Variants in HMOX2 observed in about 807,000 individuals in gnomAD.
The protein encoded by HMOX2 is heme oxygenase 2.
In HMOX2, 30 loss-of-function variants were observed where a neutral mutation model predicts 33.7. That is an observed-to-expected ratio of 0.89 (90% CI 0.67 to 1.21). The LOEUF is 1.21. Among genes scored for constraint, HMOX2 ranks in the 50% most tolerant of loss-of-function variants. The pLI is 0.00. For missense variants in HMOX2, 403 were observed against 399.1 expected (o/e 1.01, Z -0.08); for synonymous variants, 155 against 155.0 (o/e 1.00, Z 0.00).
chr16:4,481,510 G>T lies in HMOX2; in HGVS notation c.-42+5023G>T, dbSNP rs78762310. The stretch of plus-strand genomic sequence containing the variant: ...AGCATACAGGTGTACTGAAAGAATT[G>T]GGTGGAACAGGGTATTTGAAATCAG... On this transcript the variant is annotated intron_variant, in intron 1 of 5. Coordinates refer to ENST00000570646, the MANE Select transcript of HMOX2 (RefSeq NM_002134.4). 1.0e-2 allele frequency among the ~76,000 whole-genome samples: 1,520 copies of T among 152,202 alleles called. 25 individuals are homozygous for T. The highest frequency in any genetic ancestry group is 0.035 in the African/African-American group (1,460 of 41,520).
chr16:4,509,525 T>G lies in HMOX2; in HGVS notation c.810T>G (p.Ala270=). 1 of 1,614,178 alleles carries G rather than the reference T, an allele frequency of 6.2e-7. No homozygotes were observed. The highest frequency in any genetic ancestry group is 8.5e-7 in the Non-Finnish European group (1 of 1,180,026). Residue 270 remains alanine, a synonymous_variant, in exon 5 of 6, where the codon GCT becomes GCG. Transcript: ENST00000570646. ...TGCGTAAATGCCCTTTCTACGCTGC[T>G]GAACAAGACAAAGGTAGGTCTGTGT... The part of the protein sequence containing the change: ...GDMRKCPFYA[A]EQDKGALEGS...
At chr16:4,484,231 C>T (rs1410222115) in intron 1 of HMOX2, among the ~76,000 whole-genome samples, 1 of 152,094 alleles carries the variant, frequency 6.6e-6, no homozygotes. Context: ...ACCTTGGCCT[C>T]CCAAAGTGCT....
chr16:4,509,369 T>C, intron 4 of HMOX2, 43 bp from the exon 5 acceptor site: 6 of 1,570,972 alleles, frequency 3.8e-6, no homozygotes, highest in African/African-American at 1.4e-5. Flanking sequence ...AAAAAAAGTA[T>C]GGGCAGCCCA....
chr16:4,482,262 A>AATAT, intron 1 of HMOX2, among the ~76,000 whole-genome samples: 1 of 152,262 alleles, frequency 6.6e-6, no homozygotes, highest in East Asian at 1.9e-4. Context: ...GAAGGGGAAA[A>AATAT]ATATGCTGTT....
At chr16:4,489,142 TTAG>T (rs1457650911) in intron 1 of HMOX2, among the ~76,000 whole-genome samples, 3 of 152,198 alleles carry the variant, frequency 2.0e-5, no homozygotes, top group Non-Finnish European at 4.4e-5. Flanking sequence ...AGGTACGCTC[TTAG>T]TAGTCATATC....
chr16:4,506,964 G>C lies in HMOX2; in HGVS notation c.156G>C (p.Gln52His), dbSNP rs149978208. The C allele has an allele frequency of 1.2e-5, 19 of 1,613,962 alleles. No homozygotes were observed. In the African/African-American group the frequency reaches 2.0e-4, roughly 17 times the overall value. Residue 52 changes from glutamine to histidine, a missense_variant, in exon 3 of 6, where the codon CAG (glutamine) becomes CAC (histidine). Physicochemically the swap from Gln to His is conservative, Grantham distance 24. Transcript: ENST00000570646. ...KEAHDRAENTQFVKDFLKGNI... is the reference protein window; with the variant it reads ...KEAHDRAENTHFVKDFLKGNI... ...CACACGACCGGGCAGAAAACACCCA[G>C]TTTGTCAAGGACTTCTTGAAAGGCA...
At chr16:4,477,681 G>A (rs1279190272) in intron 1 of HMOX2, among the ~76,000 whole-genome samples, 1 of 151,886 alleles carries the variant, frequency 6.6e-6, no homozygotes, top group African/African-American at 2.4e-5. Flanking sequence ...CACTTTGGGA[G>A]GCCGAGGCAG....
At position 4,499,772 on chromosome 16, in the gene HMOX2, C is replaced by T. The variant is rs146912339; in HGVS notation, c.-41-5712C>T. ...AATGTATACATGTGTCCAAACATCA[C>T]ACTGTACCCCATAAATATAATTGTC... is the stretch of plus-strand genomic sequence containing the variant. On this transcript the variant is annotated intron_variant, in intron 1 of 5. Transcript: ENST00000570646. 1.5e-3 allele frequency among the ~76,000 whole-genome samples: 221 copies of T among 152,290 alleles called. No homozygotes were observed. In the East Asian group the frequency reaches 0.031, roughly 21 times the overall value.
chr16:4,487,504 C>A (rs1443841941), intron 1 of HMOX2, among the ~76,000 whole-genome samples: 2 of 151,218 alleles, frequency 1.3e-5, no homozygotes, highest in African/African-American at 4.9e-5. Flanking sequence ...AACCCCATGT[C>A]TACTAAAAAT....
At chr16:4,498,800 A>T (rs889064775) in intron 1 of HMOX2, among the ~76,000 whole-genome samples, 2 of 152,262 alleles carry the variant, frequency 1.3e-5, no homozygotes, top group African/African-American at 2.4e-5. Flanking sequence ...TGGTAGTACC[A>T]GAGTTCAGAG....
At chr16:4,479,805 C>A (rs1279289935) in intron 1 of HMOX2, among the ~76,000 whole-genome samples, 2 of 131,808 alleles carry the variant, frequency 1.5e-5, no homozygotes, top group African/African-American at 5.8e-5. Flanking sequence ...GTGGCACAAT[C>A]TCAGCTCACT....
intron 1 of HMOX2, among the ~76,000 whole-genome samples, chr16:4,481,206 G>A (rs2058020893): frequency 6.6e-6 from 1 of 151,770 alleles, no homozygotes. Flanking sequence ...AAAATTAGCC[G>A]GGCATGGTGG....
intron 4 of HMOX2, 142 bp from the exon 5 acceptor site, chr16:4,509,270 T>A: frequency 9.5e-7 from 1 of 1,055,762 alleles, no homozygotes; most frequent in Non-Finnish European, 1.4e-6. Context: ...AGCCTAGGAG[T>A]TTGAGGCTGC....
chr16:4,477,156 C>G (rs540300234), intron 1 of HMOX2, among the ~76,000 whole-genome samples: 31 of 152,164 alleles, frequency 2.0e-4, no homozygotes, highest in Non-Finnish European at 3.8e-4. Context: ...CAAAAGCTGC[C>G]GGGACCTCCT....
chr16:4,494,465 G>T (rs1454674927), intron 1 of HMOX2, among the ~76,000 whole-genome samples: 2 of 152,188 alleles, frequency 1.3e-5, no homozygotes, highest in Non-Finnish European at 2.9e-5. Flanking sequence ...GAAAGCTAGT[G>T]TACATTTTGC....
chr16:4,481,161 A>G (rs1473676120), intron 1 of HMOX2, among the ~76,000 whole-genome samples: 1 of 150,798 alleles, frequency 6.6e-6, no homozygotes, highest in African/African-American at 2.4e-5. Flanking sequence ...GCTGGCTAAC[A>G]CGGTGAAACC....
chr16:4,509,281 A>C (rs534899894), intron 4 of HMOX2, 131 bp from the exon 5 acceptor site: 1 of 1,165,568 alleles, frequency 8.6e-7, no homozygotes, highest in Non-Finnish European at 1.2e-6. Context: ...TTGAGGCTGC[A>C]GTGAGTTAGC....
intron 1 of HMOX2, among the ~76,000 whole-genome samples, chr16:4,477,100 C>T (rs1486339280): frequency 6.6e-6 from 1 of 152,052 alleles, no homozygotes; most frequent in African/African-American, 2.4e-5. Context: ...CGCGGGTTTA[C>T]CTATTACTTT....
At chr16:4,508,503 C>T (rs1201418905) in intron 4 of HMOX2, among the ~76,000 whole-genome samples, 2 of 152,136 alleles carry the variant, frequency 1.3e-5, no homozygotes, top group Non-Finnish European at 2.9e-5. Context: ...GGATGCTGGT[C>T]TTGAAGAATG....
Sources: allele counts gnomAD v4.1 joint callset (sites outside exome capture counted in the v4.1 genomes callset), GRCh38; gene constraint gnomAD v4.1.1; transcripts MANE v1.5; gene names NCBI Gene and HGNC (gene_info 2026-07-23, HGNC 2026-07-21).